ITSN1: variants seen among roughly 807,000 people sequenced by gnomAD.
The protein encoded by ITSN1 is intersectin 1.
Under a neutral mutation model 239.8 loss-of-function variants are expected in ITSN1, and 58 were observed. The observed-to-expected ratio is 0.24, with a 90% CI of 0.20 to 0.30. The LOEUF is 0.30. Among genes scored for constraint, ITSN1 ranks in the 10% least tolerant of loss-of-function variants. ITSN1 has a pLI of 1.00. For synonymous variants in ITSN1, 780 were observed against 770.8 expected (o/e 1.01, Z -0.20); for missense variants, 1,558 against 2,103.3 (o/e 0.74, Z 5.07).
At chr21:33,837,310 A>G (rs1385783506) in intron 29 of ITSN1, 3 of 1,131,654 alleles carry the variant, frequency 2.7e-6, no homozygotes, top group African/African-American at 1.6e-5. Flanking sequence ...GGTGCTTTCA[A>G]TAGTTTTAAA....
chr21:33,678,377 T>G (rs906111671), intron 1 of ITSN1, among the ~76,000 whole-genome samples: 1 of 152,208 alleles, frequency 6.6e-6, no homozygotes, highest in Non-Finnish European at 1.5e-5. Flanking sequence ...TCTTCTTTAT[T>G]TGTTTACTGG....
At chr21:33,689,697 G>A (rs1366370368) in intron 1 of ITSN1, among the ~76,000 whole-genome samples, 1 of 152,130 alleles carries the variant, frequency 6.6e-6, no homozygotes, top group East Asian at 1.9e-4. Flanking sequence ...ACTAGGCATG[G>A]TGGCTCATGC....
At chr21:33,858,077 G>A (rs1475142587) in intron 30 of ITSN1, among the ~76,000 whole-genome samples, 1 of 152,184 alleles carries the variant, frequency 6.6e-6, no homozygotes, top group Non-Finnish European at 1.5e-5. Context: ...ACCACACAGA[G>A]CTTGGAGGGG....
chr21:33,797,381 G>T lies in ITSN1; in HGVS notation c.1955G>T (p.Arg652Leu), dbSNP rs762631985. Residue 652 changes from arginine to leucine, a missense_variant and splice_region_variant, in exon 18 of 40, where the codon CGA becomes CTA. Arg to Leu is a moderately radical substitution (Grantham distance 102). This residue lies in a region of ITSN1 where 982 missense variants were observed against 1,209.9 expected (regional missense o/e 0.81). Coordinates refer to ENST00000381318, the MANE Select transcript of ITSN1 (RefSeq NM_003024.3). This position sits in a 1 kb window ranked among gnomAD's most constrained non-coding sequence, Gnocchi z 4.9. ...LEKQKEEAQR[R>L]AQERDKQWLE... is the part of the protein sequence containing the mutation. ...TAATCAAGCGTGTTTGTTGGCAGAC[G>T]AGCTCAGGAAAGGGACAAGCAGTGG... 7 of 1,613,372 alleles carry T rather than the reference G, an allele frequency of 4.3e-6. No homozygotes were observed. Among genetic ancestry groups the T allele is most frequent in the Non-Finnish European group, 5.9e-6 (7 of 1,179,726 alleles).
chr21:33,723,038 A>G (rs1023951898), intron 4 of ITSN1, among the ~76,000 whole-genome samples: 3 of 152,254 alleles, frequency 2.0e-5, no homozygotes, highest in Non-Finnish European at 4.4e-5. Flanking sequence ...AATAAAAGGT[A>G]AAGAAAATAT....
chr21:33,814,163 C>G (rs2073110731), intron 22 of ITSN1, 91 bp downstream of exon 22: 2 of 1,392,712 alleles, frequency 1.4e-6, no homozygotes, highest in African/African-American at 1.4e-5. Flanking sequence ...CATTTTGAAG[C>G]AAGCCTTGTT....
chr21:33,719,310 A>G (rs2065346650), intron 2 of ITSN1, among the ~76,000 whole-genome samples: 1 of 152,118 alleles, frequency 6.6e-6, no homozygotes, highest in African/African-American at 2.4e-5. Flanking sequence ...GCGTGGTGGC[A>G]GGCACCTGTA....
intron 29 of ITSN1, among the ~76,000 whole-genome samples, chr21:33,851,215 T>C (rs1301142893): frequency 6.6e-6 from 1 of 151,986 alleles, no homozygotes; most frequent in South Asian, 2.1e-4. Context: ...GGCACCTGGG[T>C]GAAGGCTTGC....
intron 8 of ITSN1, among the ~76,000 whole-genome samples, chr21:33,759,538 A>G (rs886478635): frequency 6.6e-6 from 1 of 152,186 alleles, no homozygotes; most frequent in African/African-American, 2.4e-5. Flanking sequence ...AGTTTTGTTA[A>G]TTCTACTTTG....
At chr21:33,802,246 C>A (rs1271770610) in intron 19 of ITSN1, among the ~76,000 whole-genome samples, 184 bp from the exon 20 acceptor site, 2 of 152,142 alleles carry the variant, frequency 1.3e-5, no homozygotes, top group Non-Finnish European at 2.9e-5. Flanking sequence ...GAAAGTGTTG[C>A]TCTTTTTCGG....
chr21:33,701,080 G>A (rs1243638376), intron 1 of ITSN1, among the ~76,000 whole-genome samples: 1 of 151,434 alleles, frequency 6.6e-6, no homozygotes, highest in Non-Finnish European at 1.5e-5. Context: ...CCATGTTGCT[G>A]GAGTCACAAC....
intron 10 of ITSN1, among the ~76,000 whole-genome samples, chr21:33,767,294 T>C (rs1259174961): frequency 1.3e-5 from 2 of 151,774 alleles, no homozygotes; most frequent in Non-Finnish European, 2.9e-5. Flanking sequence ...TCTTAGGGGG[T>C]GAAATGGAGA....
At chr21:33,861,972 A>T (rs1340676635) in intron 31 of ITSN1, among the ~76,000 whole-genome samples, 9 of 136,956 alleles carry the variant, frequency 6.6e-5, no homozygotes, top group African/African-American at 2.5e-4. Flanking sequence ...AATAAATAAA[A>T]AAGAAACGTC....
Position 33,721,080 on chromosome 21 carries a change from A to G in ITSN1, c.29-98A>G, listed in dbSNP as rs1292136305. ...TGAATTTATCAAGTCTTTATAATAC[A>G]TTGACAGAATCTTGAAGTGCTGTGG... On this transcript the variant is annotated intron_variant, in intron 2 of 39. Transcript: ENST00000381318. The G allele has an allele frequency of 1.3e-5, 10 of 764,542 alleles. No individual in the cohort carries two copies. In the African/African-American group the frequency reaches 1.4e-4, roughly 11 times the overall value. 47.4% of individuals were successfully genotyped at this position (764,542 alleles called of 1,614,324 possible).
intron 33 of ITSN1, among the ~76,000 whole-genome samples, chr21:33,868,663 C>T (rs185450853): frequency 0.014 from 2,166 of 152,332 alleles, 59 homozygotes; most frequent in African/African-American, 0.049. Flanking sequence ...GGCCCGCAAG[C>T]GCCGCACGCA....
chr21:33,655,049 G>A (rs549526905), intron 1 of ITSN1, among the ~76,000 whole-genome samples: 5 of 151,210 alleles, frequency 3.3e-5, no homozygotes, highest in Non-Finnish European at 5.9e-5. Context: ...GGGACGTTGT[G>A]AATTTGTTAT....
chr21:33,829,554 C>T, intron 26 of ITSN1, 70 bp from the exon 27 acceptor site: 2 of 1,560,018 alleles, frequency 1.3e-6, no homozygotes, highest in Middle Eastern at 2.3e-4. Context: ...TGGGAGGCGC[C>T]TGCATCTTCT....
Position 33,721,284 on chromosome 21 carries a change from G to A in ITSN1, c.121+14G>A, listed in dbSNP as rs1158771928. ...GATTCATTACTGGTAATCACAGTCAGCATTTTTTCATTTTTACTTATCAGT... is the reference window on the plus strand; with the variant it reads ...GATTCATTACTGGTAATCACAGTCAACATTTTTTCATTTTTACTTATCAGT... On this transcript the variant is annotated intron_variant, in intron 3 of 39. Transcript: ENST00000381318. 6.5e-6 allele frequency: 10 copies of A among 1,544,778 alleles called. No homozygotes were observed. The highest frequency in any genetic ancestry group is 9.0e-6 in the Non-Finnish European group (10 of 1,117,316).
At chr21:33,728,157 G>A (rs2065943174) in intron 4 of ITSN1, among the ~76,000 whole-genome samples, 1 of 152,046 alleles carries the variant, frequency 6.6e-6, no homozygotes, top group Non-Finnish European at 1.5e-5. Flanking sequence ...TAGAGACGGG[G>A]TTTCACCATG....
Sources: gnomAD v4.1 joint callset for allele counts (sites outside exome capture counted in the v4.1 genomes callset) on GRCh38, gnomAD v4.1.1 for gene constraint, gnomAD v4.1.1 regional missense constraint, Gnocchi (gnomAD v3.1) non-coding constraint, MANE v1.5 for transcripts, NCBI Gene and HGNC (gene_info 2026-07-23, HGNC 2026-07-21) for gene names.